Variants in EPHA6 observed in about 807,000 individuals in gnomAD.
The protein encoded by EPHA6 is ephrin type-A receptor 6.
EPHA6 carries 50 observed loss-of-function variants against 112.0 expected under a neutral mutation model. The observed-to-expected ratio is 0.45, with a 90% CI of 0.36 to 0.56. The LOEUF (loss-of-function observed/expected upper bound fraction) is 0.56. EPHA6 is among the 20% of genes least tolerant of loss of function. The pLI is 0.00. For missense variants in EPHA6, 1,280 were observed against 1,417.4 expected (o/e 0.90, Z 1.56); for synonymous variants, 529 against 490.7 (o/e 1.08, Z -1.03).
intron 11 of EPHA6, among the ~76,000 whole-genome samples, chr3:97,548,824 A>G (rs1412640162): frequency 6.6e-6 from 1 of 152,230 alleles, no homozygotes; most frequent in Non-Finnish European, 1.5e-5. Flanking sequence ...ACAATCACAT[A>G]CAGGTTTTTA....
intron 2 of EPHA6, among the ~76,000 whole-genome samples, chr3:96,982,092 G>T (rs1050659806): frequency 6.6e-5 from 10 of 151,960 alleles, no homozygotes; most frequent in Non-Finnish European, 1.3e-4. Flanking sequence ...CTTGCCTTCT[G>T]CTAGCTTTTG....
chr3:97,706,261 A>G (rs1559616400), intron 14 of EPHA6, among the ~76,000 whole-genome samples: 2 of 152,188 alleles, frequency 1.3e-5, no homozygotes, highest in Non-Finnish European at 2.9e-5. Context: ...TTTTAGGAAA[A>G]AAAACACTCA....
At chr3:97,389,997 GA>G (rs2086305647) in intron 5 of EPHA6, among the ~76,000 whole-genome samples, 1 of 152,082 alleles carries the variant, frequency 6.6e-6, no homozygotes, top group Non-Finnish European at 1.5e-5. Flanking sequence ...TTACTAACTA[GA>G]GAAAATGAGG....
chr3:97,187,705 GAAA>G (rs1467262248), intron 3 of EPHA6, among the ~76,000 whole-genome samples: 2 of 137,534 alleles, frequency 1.5e-5, no homozygotes, highest in Non-Finnish European at 3.1e-5. Context: ...AAGAAAGAAA[GAAA>G]GAAAGAAAGA....
intron 5 of EPHA6, among the ~76,000 whole-genome samples, chr3:97,268,458 C>G (rs1206124020): frequency 1.3e-5 from 2 of 152,220 alleles, no homozygotes; most frequent in South Asian, 2.1e-4. Context: ...TTCTGAGAAA[C>G]TTTATCAGTA....
chr3:97,032,320 G>T (rs2044889563), intron 3 of EPHA6, among the ~76,000 whole-genome samples: 1 of 152,040 alleles, frequency 6.6e-6, no homozygotes, highest in South Asian at 2.1e-4. Flanking sequence ...AGAGGGGAGG[G>T]AAAGCATTAG....
intron 3 of EPHA6, among the ~76,000 whole-genome samples, chr3:96,999,457 T>C (rs554974678): frequency 6.6e-6 from 1 of 151,912 alleles, no homozygotes; most frequent in African/African-American, 2.4e-5. Context: ...TAGAGCAGAC[T>C]TATGTCCTTC....
intron 14 of EPHA6, among the ~76,000 whole-genome samples, chr3:97,662,062 C>G (rs957424400): frequency 2.6e-5 from 4 of 152,080 alleles, no homozygotes; most frequent in African/African-American, 9.7e-5. Context: ...CTTATAGGTC[C>G]TAGTGACCCT....
intron 5 of EPHA6, among the ~76,000 whole-genome samples, chr3:97,333,620 A>G (rs1240725324): frequency 3.3e-5 from 5 of 151,314 alleles, no homozygotes; most frequent in African/African-American, 1.2e-4. Flanking sequence ...CTATAGGCAC[A>G]CACCACCACA....
intron 3 of EPHA6, among the ~76,000 whole-genome samples, chr3:97,078,537 G>T (rs965854395): frequency 1.3e-5 from 2 of 152,010 alleles, no homozygotes; most frequent in Non-Finnish European, 2.9e-5. Context: ...GGTCTAACAT[G>T]TAAGTCTTTA....
intron 5 of EPHA6, among the ~76,000 whole-genome samples, chr3:97,356,087 T>G (rs2084060905): frequency 6.6e-6 from 1 of 152,202 alleles, no homozygotes; most frequent in African/African-American, 2.4e-5. Context: ...CTAGCATTAC[T>G]GCCTGAGCTC....
intron 2 of EPHA6, among the ~76,000 whole-genome samples, chr3:96,958,056 TTA>T (rs1221123346): frequency 6.6e-6 from 1 of 152,178 alleles, no homozygotes; most frequent in Non-Finnish European, 1.5e-5. Context: ...TCATTGAATA[TTA>T]GATTCTTTCT....
At chr3:97,044,813 G>A (rs1681929883) in intron 3 of EPHA6, among the ~76,000 whole-genome samples, 1 of 152,044 alleles carries the variant, frequency 6.6e-6, no homozygotes, top group Non-Finnish European at 1.5e-5. Context: ...CAGAGATATA[G>A]TAAATGGAAT....
intron 3 of EPHA6, among the ~76,000 whole-genome samples, chr3:97,160,068 G>A (rs1329234563): frequency 6.6e-6 from 1 of 152,102 alleles, no homozygotes; most frequent in Non-Finnish European, 1.5e-5. Flanking sequence ...ATGCTTTGGT[G>A]AATAGAAGTC....
At chr3:97,224,210 C>G (rs1300815787) in intron 3 of EPHA6, among the ~76,000 whole-genome samples, 1 of 152,042 alleles carries the variant, frequency 6.6e-6, no homozygotes, top group African/African-American at 2.4e-5. Flanking sequence ...TTATATGTGT[C>G]TCACTTTATA....
chr3:97,335,037 C>T (rs920122296), intron 5 of EPHA6, among the ~76,000 whole-genome samples: 3 of 152,074 alleles, frequency 2.0e-5, no homozygotes, highest in Non-Finnish European at 4.4e-5. Context: ...ATACCATAGA[C>T]CAAGTGGCTT....
At chr3:97,423,518 G>A (rs562800873) in intron 6 of EPHA6, among the ~76,000 whole-genome samples, 1 of 152,082 alleles carries the variant, frequency 6.6e-6, no homozygotes, top group East Asian at 1.9e-4. Context: ...CATACAAATG[G>A]AAAAACTATT....
chr3:97,722,742 A>G (rs2034586713), intron 15 of EPHA6, among the ~76,000 whole-genome samples: 1 of 152,134 alleles, frequency 6.6e-6, no homozygotes, highest in African/African-American at 2.4e-5. Context: ...AAATATATAT[A>G]TATATTGCAA....
chr3:97,417,985 A>G (rs944682376), intron 6 of EPHA6, among the ~76,000 whole-genome samples: 5 of 152,288 alleles, frequency 3.3e-5, no homozygotes, highest in Admixed American at 6.5e-5. Flanking sequence ...AACGATCTGC[A>G]ACAGATTTAG....
Sources: allele counts gnomAD v4.1 joint callset (sites outside exome capture counted in the v4.1 genomes callset), GRCh38; gene constraint gnomAD v4.1.1; transcripts MANE v1.5; gene names NCBI Gene and HGNC (gene_info 2026-07-23, HGNC 2026-07-21).